ERC2: variants seen among roughly 807,000 people sequenced by gnomAD.
The protein encoded by ERC2 is ERC protein 2.
A neutral mutation model predicts 114.8 loss-of-function variants in ERC2; 42 were observed. The observed-to-expected ratio is 0.37, with a 90% CI of 0.29 to 0.47. The LOEUF is 0.47. Among genes scored for constraint, ERC2 ranks in the 20% least tolerant of loss-of-function variants. ERC2 has a pLI of 0.99. For synonymous variants in ERC2, 454 were observed against 425.5 expected (o/e 1.07, Z -0.82); for missense variants, 939 against 1,150.7 (o/e 0.82, Z 2.66).
intron 3 of ERC2, among the ~76,000 whole-genome samples, chr3:56,233,006 AT>A (rs1056966948): frequency 6.6e-5 from 10 of 152,228 alleles, no homozygotes; most frequent in African/African-American, 2.4e-4. Context: ...CTTTCTTTTT[AT>A]AACACCACGT....
At chr3:56,301,535 A>G (rs578177157) in intron 2 of ERC2, among the ~76,000 whole-genome samples, 36 of 151,774 alleles carry the variant, frequency 2.4e-4, no homozygotes, top group African/African-American at 8.7e-4. Flanking sequence ...CTTCTTTCTC[A>G]TTGTTCTACT....
intron 6 of ERC2, among the ~76,000 whole-genome samples, chr3:56,131,116 A>G (rs1023494851): frequency 3.3e-5 from 5 of 151,992 alleles, no homozygotes; most frequent in Non-Finnish European, 7.4e-5. Context: ...GGTTCCCAAC[A>G]TTTTTTTTCC....
At chr3:56,459,411 T>C (rs1406955243) in intron 1 of ERC2, among the ~76,000 whole-genome samples, 1 of 152,126 alleles carries the variant, frequency 6.6e-6, no homozygotes, top group East Asian at 1.9e-4. Flanking sequence ...CCTAATGCAT[T>C]TAGGGTAAAT....
intron 17 of ERC2, among the ~76,000 whole-genome samples, chr3:55,570,142 G>C (rs555982643): frequency 3.9e-5 from 6 of 152,068 alleles, no homozygotes; most frequent in Non-Finnish European, 7.4e-5. Context: ...TTACAGGTTT[G>C]AGTCATCATG....
intron 2 of ERC2, among the ~76,000 whole-genome samples, chr3:56,344,061 A>G (rs1053910955): frequency 1.3e-5 from 2 of 152,222 alleles, no homozygotes; most frequent in Non-Finnish European, 2.9e-5. Flanking sequence ...TTATCAGAGT[A>G]AACAGGCAGA....
At chr3:55,820,794 C>T (rs2060093139) in intron 14 of ERC2, among the ~76,000 whole-genome samples, 2 of 152,204 alleles carry the variant, frequency 1.3e-5, no homozygotes, top group African/African-American at 4.8e-5. Flanking sequence ...TGCATCTATA[C>T]AAAATCATTA....
At chr3:56,068,968 G>A (rs910854854) in intron 7 of ERC2, among the ~76,000 whole-genome samples, 2 of 152,144 alleles carry the variant, frequency 1.3e-5, no homozygotes, top group Admixed American at 6.6e-5. Context: ...TTTTGTGATC[G>A]ATTTTAGAGT....
At chr3:56,254,213 T>C (rs1472570737) in intron 3 of ERC2, among the ~76,000 whole-genome samples, 19 of 152,240 alleles carry the variant, frequency 1.2e-4, no homozygotes, top group Non-Finnish European at 1.5e-5. Flanking sequence ...TGTTGCAAAG[T>C]GACTCTAACA....
intron 6 of ERC2, among the ~76,000 whole-genome samples, chr3:56,116,159 C>G (rs1307030700): frequency 2.0e-5 from 3 of 152,168 alleles, no homozygotes; most frequent in Admixed American, 1.3e-4. Flanking sequence ...TTGCCAGTGG[C>G]AGTTGTCTCC....
intron 3 of ERC2, among the ~76,000 whole-genome samples, chr3:56,193,648 G>A (rs924825934): frequency 9.2e-5 from 14 of 152,090 alleles, no homozygotes; most frequent in Admixed American, 9.2e-4. Flanking sequence ...TTTATGCATA[G>A]TTTTTTTAAC....
intron 13 of ERC2, among the ~76,000 whole-genome samples, chr3:55,905,063 T>C (rs1048524107): frequency 6.6e-6 from 1 of 152,204 alleles, no homozygotes; most frequent in African/African-American, 2.4e-5. Flanking sequence ...CCAAGCTTGT[T>C]GCCTATGTCT....
intron 2 of ERC2, among the ~76,000 whole-genome samples, chr3:56,325,240 T>G (rs1973033): frequency 3.0e-4 from 46 of 152,024 alleles, no homozygotes; most frequent in Non-Finnish European, 5.9e-4. Flanking sequence ...GTCAGGAGAC[T>G]GAGACCATCC....
chr3:55,547,284 C>T lies in ERC2; in HGVS notation c.*40-36008G>A, dbSNP rs147603037. On this transcript the variant is annotated intron_variant, in intron 17 of 17. Transcript: ENST00000288221. Reference sequence around the variant, plus strand: ...CCCTGGCTCCTTTCATCCTCTACATCGGCCAGGTCTGGATAGTTCAGCCTC... The same window carrying T: ...CCCTGGCTCCTTTCATCCTCTACATTGGCCAGGTCTGGATAGTTCAGCCTC... Among the ~76,000 whole-genome samples, 11 of 152,368 alleles carry T rather than the reference C, an allele frequency of 7.2e-5. No individual in the cohort carries two copies. In the East Asian group the frequency reaches 9.7e-4, roughly 13 times the overall value.
chr3:55,932,019 T>C (rs562079372), intron 13 of ERC2, among the ~76,000 whole-genome samples: 1 of 152,374 alleles, frequency 6.6e-6, no homozygotes, highest in South Asian at 2.1e-4. Flanking sequence ...TAGAATTTGT[T>C]CTGTAAATAG....
At chr3:55,558,953 T>G (rs563931873) in intron 17 of ERC2, among the ~76,000 whole-genome samples, 1 of 152,330 alleles carries the variant, frequency 6.6e-6, no homozygotes, top group African/African-American at 2.4e-5. Context: ...GGCATTAGTA[T>G]TTCCCTTTGC....
chr3:55,772,582 C>T (rs1226352340), intron 14 of ERC2, among the ~76,000 whole-genome samples: 1 of 152,224 alleles, frequency 6.6e-6, no homozygotes, highest in African/African-American at 2.4e-5. Context: ...TTCCAAAGTG[C>T]TGGGATTACA....
chr3:56,112,220 AAAAT>A (rs1313615962), intron 6 of ERC2, among the ~76,000 whole-genome samples: 3 of 152,230 alleles, frequency 2.0e-5, no homozygotes, highest in South Asian at 4.1e-4. Flanking sequence ...CACTCCTTAG[AAAAT>A]AAATAAAGAT....
chr3:56,090,977 G>T (rs2077757124), intron 6 of ERC2, among the ~76,000 whole-genome samples: 1 of 152,114 alleles, frequency 6.6e-6, no homozygotes, highest in Non-Finnish European at 1.5e-5. Flanking sequence ...AGGATGTGCA[G>T]GTGAGTTCAG....
intron 2 of ERC2, among the ~76,000 whole-genome samples, chr3:56,362,691 A>C (rs143568119): frequency 4.8e-4 from 73 of 152,292 alleles, no homozygotes; most frequent in African/African-American, 1.5e-3. Flanking sequence ...GAACAATTAC[A>C]TACAAGCCTA....
Sources: gnomAD v4.1 joint callset for allele counts (sites outside exome capture counted in the v4.1 genomes callset) on GRCh38, gnomAD v4.1.1 for gene constraint, MANE v1.5 for transcripts, NCBI Gene and HGNC (gene_info 2026-07-23, HGNC 2026-07-21) for gene names.